Variants in NPAS2 observed in about 807,000 individuals in gnomAD.
NPAS2 encodes the protein neuronal PAS domain-containing protein 2.
NPAS2 carries 23 observed loss-of-function variants against 107.5 expected under a neutral mutation model. That is an observed-to-expected ratio of 0.21 (90% CI 0.15 to 0.30). The LOEUF is 0.30. NPAS2 is among the 10% of genes least tolerant of loss of function. The pLI, the probability that NPAS2 is intolerant of heterozygous loss-of-function variation, is 1.00. For missense variants in NPAS2, 756 were observed against 1,043.3 expected, an observed-to-expected ratio of 0.72 and a Z score of 3.79; for synonymous variants, 403 against 417.5, an observed-to-expected ratio of 0.97 and a Z score of 0.42.
chr2:100,926,463 A>G (rs951749522), intron 3 of NPAS2, among the ~76,000 whole-genome samples: 1 of 152,178 alleles, frequency 6.6e-6, no homozygotes, highest in East Asian at 1.9e-4. Flanking sequence ...TATTATGACT[A>G]TTATTAATAT....
chr2:100,927,403 G>A (rs1683650322), intron 3 of NPAS2, among the ~76,000 whole-genome samples: 1 of 152,094 alleles, frequency 6.6e-6, no homozygotes, highest in South Asian at 2.1e-4. Context: ...CTTTATAAAA[G>A]TAACACATAC....
Position 100,850,953 on chromosome 2 carries a change from CAAAAAAAAAAA to C in NPAS2, c.-23+30556_-23+30566del, listed in dbSNP as rs148858541. The stretch of plus-strand genomic sequence containing the variant: ...GGGCAACAAGAGTGAAACTCTGTCT[CAAAAAAAAAAA>C]AAAAAAAAAAAAAAAAGGAAGGACA... On this transcript the variant is annotated intron_variant, in intron 1 of 20. Coordinates refer to ENST00000335681, the MANE Select transcript of NPAS2 (RefSeq NM_002518.4). Among the ~76,000 whole-genome samples, 9 of 41,856 alleles carry C rather than the reference CAAAAAAAAAAA, an allele frequency of 2.2e-4. No homozygotes were observed. In the Admixed American group the frequency reaches 2.9e-3, roughly 14 times the overall value. 27.5% of individuals were successfully genotyped at this position (41,856 alleles called of 152,430 possible). A position where few individuals can be genotyped will look rare whatever the true frequency, so the allele number is the denominator to read the frequency against.
At chr2:100,897,272 C>G (rs926835344) in intron 1 of NPAS2, among the ~76,000 whole-genome samples, 9 of 152,100 alleles carry the variant, frequency 5.9e-5, no homozygotes, top group African/African-American at 1.9e-4. Flanking sequence ...CATATCATAG[C>G]TGGGCGAGCC....
At chr2:100,971,102 G>A (rs112862134) in intron 12 of NPAS2, 28 bp downstream of exon 12, 36,086 of 1,600,042 alleles carry the variant, frequency 0.023, 1,159 homozygotes, top group South Asian at 0.13. Context: ...AGATGGATAC[G>A]GCAAAGGTTG....
chr2:100,855,993 C>A (rs1678530456), intron 1 of NPAS2, among the ~76,000 whole-genome samples: 1 of 152,168 alleles, frequency 6.6e-6, no homozygotes, highest in African/African-American at 2.4e-5. Flanking sequence ...CTCGAAATAA[C>A]CCCCCTCCCT....
At chr2:100,823,848 T>C (rs1364354517) in intron 1 of NPAS2, 1 of 152,202 alleles carries the variant, frequency 6.6e-6, no homozygotes, top group African/African-American at 2.4e-5. Context: ...GGAGAGTTGC[T>C]GGTAGGGCTT....
chr2:100,885,032 T>C (rs1447601668), intron 1 of NPAS2, among the ~76,000 whole-genome samples: 1 of 152,002 alleles, frequency 6.6e-6, no homozygotes, highest in Non-Finnish European at 1.5e-5. Flanking sequence ...CACTGCAAGC[T>C]TCACCTTCTG....
In NPAS2 at chr2:100,968,528, C is replaced by A; in HGVS notation, c.1055+100C>A. 1 of 1,141,274 alleles carries A rather than the reference C, an allele frequency of 8.8e-7. No individual in the cohort carries two copies. 70.7% of individuals were successfully genotyped at this position (1,141,274 alleles called of 1,614,324 possible). A position where few individuals can be genotyped will look rare whatever the true frequency, so the allele number is the denominator to read the frequency against. ...GATGGCCAAGTCAGATCAGCAGTCACTCAGGTGTTCCCCATTTCGAAGATG... is the reference window on the plus strand; with the variant it reads ...GATGGCCAAGTCAGATCAGCAGTCAATCAGGTGTTCCCCATTTCGAAGATG... On this transcript the variant is annotated intron_variant, in intron 11 of 20. Coordinates refer to ENST00000335681, the MANE Select transcript of NPAS2 (RefSeq NM_002518.4). The surrounding 1 kb of genome is among the most constrained non-coding windows in gnomAD (Gnocchi z 5.3).
chr2:100,935,847 C>T (rs771502078), intron 4 of NPAS2, among the ~76,000 whole-genome samples: 6 of 152,178 alleles, frequency 3.9e-5, no homozygotes, highest in Admixed American at 6.5e-5. Context: ...TGTACTTCTT[C>T]GTTTACTGTA....
At chr2:100,990,184 T>C in intron 17 of NPAS2, 72 bp from the exon 18 acceptor site, 2 of 1,394,576 alleles carry the variant, frequency 1.4e-6, no homozygotes, top group South Asian at 2.5e-5. Flanking sequence ...GAGGAGACAC[T>C]GGGAGGTTTC....
chr2:100,956,334 G>A (rs1188524679), intron 7 of NPAS2, among the ~76,000 whole-genome samples: 1 of 152,132 alleles, frequency 6.6e-6, no homozygotes, highest in Non-Finnish European at 1.5e-5. Flanking sequence ...CAGGCAGCCA[G>A]CCCCTCAGCC....
chr2:100,844,575 G>C (rs1184244510), intron 1 of NPAS2, among the ~76,000 whole-genome samples: 1 of 152,160 alleles, frequency 6.6e-6, no homozygotes, highest in Non-Finnish European at 1.5e-5. Flanking sequence ...CGACTGCAGA[G>C]TACATTTTGA....
chr2:100,873,497 C>T (rs1437203352), intron 1 of NPAS2, among the ~76,000 whole-genome samples: 1 of 150,998 alleles, frequency 6.6e-6, no homozygotes, highest in African/African-American at 2.4e-5. Context: ...ATATTGTATC[C>T]CTTTTTTTAA....
At chr2:100,877,966 A>C (rs1680090425) in intron 1 of NPAS2, 1 of 985,264 alleles carries the variant, frequency 1.0e-6, no homozygotes, top group Non-Finnish European at 1.2e-6. Context: ...AAGTGCTGGA[A>C]ACTTATAGTC....
chr2:100,947,215 A>G (rs1674953098), intron 5 of NPAS2, among the ~76,000 whole-genome samples: 1 of 152,214 alleles, frequency 6.6e-6, no homozygotes, highest in African/African-American at 2.4e-5. Flanking sequence ...TGCATATCCA[A>G]TATGGTAGCC....
intron 6 of NPAS2, 114 bp downstream of exon 6, chr2:100,948,469 A>T: frequency 3.1e-6 from 3 of 977,020 alleles, no homozygotes; most frequent in Non-Finnish European, 4.4e-6. Flanking sequence ...TTTCCTCATG[A>T]CTCAGAACAT....
intron 3 of NPAS2, among the ~76,000 whole-genome samples, chr2:100,927,398 TA>T (rs1394113711): frequency 6.6e-6 from 1 of 152,216 alleles, no homozygotes; most frequent in Non-Finnish European, 1.5e-5. Flanking sequence ...TAATACTTTA[TA>T]AAAGTAACAC....
At chr2:100,881,347 C>G (rs1366867946) in intron 1 of NPAS2, among the ~76,000 whole-genome samples, 1 of 152,154 alleles carries the variant, frequency 6.6e-6, no homozygotes, top group Non-Finnish European at 1.5e-5. Flanking sequence ...AGAATCCATA[C>G]TTTAGCAAGA....
intron 1 of NPAS2, among the ~76,000 whole-genome samples, chr2:100,856,794 A>C (rs1460687095): frequency 1.3e-5 from 2 of 152,160 alleles, no homozygotes; most frequent in South Asian, 2.1e-4. Context: ...CCAGGGAAGG[A>C]CCAAACATGA....
Sources: allele counts gnomAD v4.1 joint callset (sites outside exome capture counted in the v4.1 genomes callset), GRCh38; gene constraint gnomAD v4.1.1; non-coding constraint Gnocchi (gnomAD v3.1); transcripts MANE v1.5; gene names NCBI Gene and HGNC (gene_info 2026-07-23, HGNC 2026-07-21).